MRTFA: variants seen among roughly 807,000 people sequenced by gnomAD.
The protein encoded by MRTFA is myocardin related transcription factor A.
MRTFA carries 20 observed loss-of-function variants against 83.5 expected under a neutral mutation model. The ratio of observed to expected loss-of-function variants is 0.24; its 90% CI spans 0.17 to 0.35. MRTFA has a LOEUF of 0.35. Among genes scored for constraint, MRTFA ranks in the 10% least tolerant of loss-of-function variants. The probability of loss-of-function intolerance (pLI) is 1.00; values close to 1 mark genes in which losing one functional copy is unlikely to be tolerated. For synonymous variants in MRTFA, 659 were observed against 541.2 expected, an observed-to-expected ratio of 1.22 and a Z score of -3.02; for missense variants, 1,200 against 1,224.7, an observed-to-expected ratio of 0.98 and a Z score of 0.30.
chr22:40,465,144 C>T (rs1230729917), intron 3 of MRTFA, among the ~76,000 whole-genome samples: 1 of 152,208 alleles, frequency 6.6e-6, no homozygotes, highest in East Asian at 1.9e-4. Context: ...TCTAGGCCTC[C>T]TGTGAGCTAC....
At position 40,424,389 on chromosome 22, in the gene MRTFA, C is replaced by A. The variant is rs1176936669; in HGVS notation, c.602-8G>T. 6.2e-7 allele frequency: 1 copy of A among 1,612,390 alleles called. No homozygotes were observed. The highest frequency in any genetic ancestry group is 8.5e-7 in the Non-Finnish European group (1 of 1,179,322). The stretch of plus-strand genomic sequence containing the variant: ...GATAGTTCACCTGGCCCACTGAAAC[C>A]CAAAGCTGGTGTGAGATTCCACTTC... On this transcript the variant is annotated splice_polypyrimidine_tract_variant and splice_region_variant and intron_variant, in intron 7 of 14. Transcript: ENST00000355630.
chr22:40,497,984 T>A (rs1055176066), intron 3 of MRTFA, among the ~76,000 whole-genome samples: 1 of 150,924 alleles, frequency 6.6e-6, no homozygotes, highest in Admixed American at 6.6e-5. Flanking sequence ...AAAATCTTTT[T>A]AAAATATTAG....
At chr22:40,422,888 G>C (rs1228712104) in intron 9 of MRTFA, among the ~76,000 whole-genome samples, 1 of 152,228 alleles carries the variant, frequency 6.6e-6, no homozygotes, top group Non-Finnish European at 1.5e-5. Context: ...AAAGGACAGA[G>C]CACAAAGGGT....
intron 2 of MRTFA, among the ~76,000 whole-genome samples, chr22:40,565,427 C>T (rs2055688307): frequency 6.6e-6 from 1 of 152,164 alleles, no homozygotes; most frequent in Non-Finnish European, 1.5e-5. Context: ...CACACCTGTA[C>T]TCTCAGTTAC....
chr22:40,446,301 G>T (rs1216226625), intron 4 of MRTFA, among the ~76,000 whole-genome samples: 8 of 152,170 alleles, frequency 5.3e-5, no homozygotes, highest in Admixed American at 2.6e-4. Flanking sequence ...TTGCAAAATA[G>T]CAAGGACTGC....
At chr22:40,615,980 C>T (rs764025661) in intron 1 of MRTFA, among the ~76,000 whole-genome samples, 2 of 152,046 alleles carry the variant, frequency 1.3e-5, no homozygotes, top group Non-Finnish European at 1.5e-5. Context: ...CCACTGCACC[C>T]GGCCAATATT....
In MRTFA at chr22:40,479,665, T is replaced by C. The variant is rs1442405575; in HGVS notation, c.242-16379A>G. Among the ~76,000 whole-genome samples the C allele has an allele frequency of 7.2e-5, 11 of 152,298 alleles. 1 individual carries two copies. The South Asian group carries it at 2.3e-3, about 32-fold the overall frequency. On this transcript the variant is annotated intron_variant, in intron 3 of 14. Transcript: ENST00000355630. ...TATCAATTCCTATAAATGATTCCTG[T>C]AAATCAACATGGTGCTCAAAGGAAA...
chr22:40,490,260 A>G (rs1332634647), intron 3 of MRTFA, among the ~76,000 whole-genome samples: 2 of 152,186 alleles, frequency 1.3e-5, no homozygotes, highest in Non-Finnish European at 2.9e-5. Context: ...AGTCCAGAAC[A>G]GTTCTAGATA....
chr22:40,422,011 A>C (rs562277678), intron 9 of MRTFA, among the ~76,000 whole-genome samples: 1 of 152,308 alleles, frequency 6.6e-6, no homozygotes, highest in East Asian at 1.9e-4. Context: ...TGCTGGGAGC[A>C]TGGGAAGGAT....
At position 40,410,832 on chromosome 22, in the gene MRTFA, C is replaced by G. The variant is rs1038050277; in HGVS notation, c.*558G>C. The G allele has an allele frequency of 4.3e-5, 10 of 233,052 alleles. No homozygotes were observed. Among genetic ancestry groups the G allele is most frequent in the Middle Eastern group, 1.2e-3 (1 of 804 alleles). 14.4% of individuals were successfully genotyped at this position (233,052 alleles called of 1,614,324 possible). A position where few individuals can be genotyped will look rare whatever the true frequency, so the allele number is the denominator to read the frequency against. On this transcript the variant is annotated 3_prime_UTR_variant, in exon 15 of 15. Transcript: ENST00000355630. Reference sequence around the variant, plus strand: ...ATATATAATATAGAGGTATATACACCTGTACATAAAATTGTTGCCACCAAC... The same window carrying G: ...ATATATAATATAGAGGTATATACACGTGTACATAAAATTGTTGCCACCAAC...
chr22:40,598,933 G>T (rs2056224477), intron 1 of MRTFA, among the ~76,000 whole-genome samples: 1 of 151,164 alleles, frequency 6.6e-6, no homozygotes, highest in African/African-American at 2.4e-5. Flanking sequence ...AGAGGCTGGA[G>T]GTTGCGGTGA....
At chr22:40,605,430 A>G (rs2056308691) in intron 1 of MRTFA, among the ~76,000 whole-genome samples, 1 of 152,208 alleles carries the variant, frequency 6.6e-6, no homozygotes, top group South Asian at 2.1e-4. Context: ...CAGCCGACTG[A>G]AGGGAGTGGG....
rs763993455 is a variant in MRTFA at position 40,419,133 on chromosome 22, C to A, written c.1605G>T (p.Thr535=). 1.3e-6 allele frequency: 2 copies of A among 1,587,634 alleles called. No homozygotes were observed. The highest frequency in any genetic ancestry group is 1.7e-6 in the Non-Finnish European group (2 of 1,167,008). Residue 535 remains threonine (T), a synonymous_variant, in exon 12 of 15, where the codon ACG becomes ACT. Coordinates refer to ENST00000355630, the MANE Select transcript of MRTFA (RefSeq NM_020831.6). ...ACTTCACCACCCCACTGCTGGCCAC[C>A]GTGGCCACCACCACCTCAGCTGGAG...
chr22:40,456,219 T>C (rs2053584366), intron 4 of MRTFA, among the ~76,000 whole-genome samples: 1 of 151,754 alleles, frequency 6.6e-6, no homozygotes, highest in Non-Finnish European at 1.5e-5. Flanking sequence ...CTATAAAAAC[T>C]AAAAAATGAA....
intron 2 of MRTFA, among the ~76,000 whole-genome samples, chr22:40,592,492 CTTTTT>C (rs978906466): frequency 7.7e-6 from 1 of 130,060 alleles, no homozygotes; most frequent in African/African-American, 2.8e-5. Flanking sequence ...TTTTTTTTTT[CTTTTT>C]TTTTTTTTGG....
chr22:40,500,788 T>C (rs1464464247), intron 3 of MRTFA, among the ~76,000 whole-genome samples: 1 of 151,286 alleles, frequency 6.6e-6, no homozygotes, highest in African/African-American at 2.4e-5. Context: ...CTCCCATGTC[T>C]ACTTCTTTCT....
chr22:40,459,862 T>TACAC (rs1555973838), intron 4 of MRTFA, among the ~76,000 whole-genome samples: 14 of 121,494 alleles, frequency 1.2e-4, no homozygotes, highest in East Asian at 7.9e-4. Context: ...TATATATATA[T>TACAC]ACACACATGA....
chr22:40,437,431 G>A (rs544717909), intron 4 of MRTFA, among the ~76,000 whole-genome samples: 3 of 152,150 alleles, frequency 2.0e-5, no homozygotes, highest in African/African-American at 4.8e-5. Context: ...ATTTTTCTCC[G>A]CAGCACTCAT....
chr22:40,472,313 G>A (rs1426038722), intron 3 of MRTFA, among the ~76,000 whole-genome samples: 1 of 152,146 alleles, frequency 6.6e-6, no homozygotes, highest in African/African-American at 2.4e-5. Flanking sequence ...ACTTTATATG[G>A]AGAAATTAAA....
Sources: gnomAD v4.1 joint callset for allele counts (sites outside exome capture counted in the v4.1 genomes callset) on GRCh38, gnomAD v4.1.1 for gene constraint, MANE v1.5 for transcripts, NCBI Gene and HGNC (gene_info 2026-07-23, HGNC 2026-07-21) for gene names.